The following C12orf42 variants were observed in gnomAD, a reference collection of about 807,000 sequenced individuals.
C12orf42 encodes uncharacterized protein C12orf42.
C12orf42 carries 25 observed loss-of-function variants against 21.6 expected under a neutral mutation model. The observed-to-expected ratio is 1.16, with a 90% CI of 0.84 to 1.62. The LOEUF (loss-of-function observed/expected upper bound fraction) is 1.62, where lower values mean the gene tolerates loss of function less well. Ranked by LOEUF, C12orf42 falls within the 40% of genes most tolerant of loss-of-function variation. C12orf42 has a pLI of 0.00. For missense variants in C12orf42, 483 were observed against 459.3 expected (o/e 1.05, Z -0.47); for synonymous variants, 174 against 175.0 (o/e 0.99, Z 0.05).
chr12:103,470,014 A>C (rs925310626), intron 2 of C12orf42, among the ~76,000 whole-genome samples: 4 of 152,262 alleles, frequency 2.6e-5, no homozygotes, highest in Admixed American at 1.3e-4. Context: ...TTCAAAGAGC[A>C]TGGAATATAC....
the C12orf42 span, among the ~76,000 whole-genome samples, chr12:103,160,644 G>A: frequency 6.6e-6 from 1 of 152,166 alleles, no homozygotes; most frequent in Non-Finnish European, 1.5e-5. Flanking sequence ...AGTAGCCACT[G>A]AACAGTGCAA....
intron 2 of C12orf42, 183 bp downstream of exon 2, chr12:103,478,166 G>T: frequency 1.9e-6 from 1 of 514,118 alleles, no homozygotes; most frequent in East Asian, 3.5e-5. Context: ...AATAATTTAT[G>T]AAGGCATTTA....
chr12:103,313,171 C>G (rs549703233), intron 4 of C12orf42, among the ~76,000 whole-genome samples: 3 of 152,332 alleles, frequency 2.0e-5, no homozygotes, highest in Non-Finnish European at 4.4e-5. Context: ...GCCTTTCTCT[C>G]TAGGCACAAA....
At chr12:103,365,706 A>G (rs568107334) in intron 4 of C12orf42, among the ~76,000 whole-genome samples, 15 of 152,098 alleles carry the variant, frequency 9.9e-5, no homozygotes, top group Non-Finnish European at 1.5e-4. Context: ...AATCAAATAA[A>G]AAACTCAACC....
chr12:103,158,562 C>T, the C12orf42 span, among the ~76,000 whole-genome samples: 1 of 152,054 alleles, frequency 6.6e-6, no homozygotes, highest in Non-Finnish European at 1.5e-5. Flanking sequence ...GATTCAATTT[C>T]ATCTTCTGCT....
the C12orf42 span, among the ~76,000 whole-genome samples, chr12:103,529,246 T>G: frequency 6.6e-6 from 1 of 152,172 alleles, no homozygotes; most frequent in Non-Finnish European, 1.5e-5. Flanking sequence ...ATTTTACTCC[T>G]CTCTTTACCG....
At chr12:103,163,484 G>T in the C12orf42 span, among the ~76,000 whole-genome samples, 1 of 152,128 alleles carries the variant, frequency 6.6e-6, no homozygotes, top group Non-Finnish European at 1.5e-5. Flanking sequence ...TTGAGCTGAG[G>T]GCTGGATGGC....
At chr12:103,370,331 A>C (rs1282695870) in intron 3 of C12orf42, among the ~76,000 whole-genome samples, 1 of 152,160 alleles carries the variant, frequency 6.6e-6, no homozygotes, top group African/African-American at 2.4e-5. Context: ...TTCTCAAAGA[A>C]CTTAAAATAG....
intron 4 of C12orf42, among the ~76,000 whole-genome samples, chr12:103,324,155 A>G (rs1030570326): frequency 6.6e-6 from 1 of 152,150 alleles, no homozygotes; most frequent in African/African-American, 2.4e-5. Context: ...TGTCATTTTA[A>G]TGTCCTGTAT....
chr12:103,059,464 C>A, the C12orf42 span, among the ~76,000 whole-genome samples: 1 of 152,178 alleles, frequency 6.6e-6, no homozygotes, highest in Admixed American at 6.6e-5. Context: ...GAACTCCTCT[C>A]TAACTCATTT....
At chr12:103,206,935 G>C in the C12orf42 span, among the ~76,000 whole-genome samples, 1 of 152,294 alleles carries the variant, frequency 6.6e-6, no homozygotes, top group Non-Finnish European at 1.5e-5. Context: ...ATTACAGATA[G>C]GGAAACTGAG....
chr12:103,506,973 AAT>A, the C12orf42 span, among the ~76,000 whole-genome samples: 1 of 128 alleles, frequency 7.8e-3, no homozygotes, highest in Non-Finnish European at 0.012. Flanking sequence ...TTATATATAA[AAT>A]ATATATATTA....
intron 2 of C12orf42, among the ~76,000 whole-genome samples, chr12:103,468,389 C>T (rs1953311883): frequency 6.6e-6 from 1 of 152,170 alleles, no homozygotes; most frequent in African/African-American, 2.4e-5. Flanking sequence ...TGTGTATCGT[C>T]TAAGGACTCT....
chr12:103,396,775 T>A (rs2047573829), intron 3 of C12orf42: 1 of 152,214 alleles, frequency 6.6e-6, no homozygotes, highest in Non-Finnish European at 1.5e-5. Context: ...CTTGGAGGAC[T>A]GAGCAGAGGA....
intron 5 of C12orf42, among the ~76,000 whole-genome samples, chr12:103,272,264 T>C (rs2035516655): frequency 6.6e-6 from 1 of 152,156 alleles, no homozygotes; most frequent in African/African-American, 2.4e-5. Flanking sequence ...CATAATTATG[T>C]TGGCATTAAA....
chr12:103,544,074 T>A, the C12orf42 span, among the ~76,000 whole-genome samples: 1 of 151,436 alleles, frequency 6.6e-6, no homozygotes, highest in Non-Finnish European at 1.5e-5. Context: ...TGTTTTTATA[T>A]TTTTTTTAGT....
chr12:103,281,056 A>G (rs565531982), intron 4 of C12orf42, among the ~76,000 whole-genome samples: 24 of 152,362 alleles, frequency 1.6e-4, no homozygotes, highest in Non-Finnish European at 3.1e-4. Context: ...TTACATAGAA[A>G]TAAAATGCTA....
chr12:103,165,579 C>T, the C12orf42 span, among the ~76,000 whole-genome samples: 1 of 152,106 alleles, frequency 6.6e-6, no homozygotes, highest in Non-Finnish European at 1.5e-5. Context: ...GGACTATCTC[C>T]TTCCTGTTTT....
chr12:103,515,787 A>AT, the C12orf42 span, among the ~76,000 whole-genome samples: 25 of 152,340 alleles, frequency 1.6e-4, no homozygotes, highest in East Asian at 2.9e-3. Flanking sequence ...CATATGTAAT[A>AT]TTTTACATGA....
Sources: gnomAD v4.1 joint callset for allele counts (sites outside exome capture counted in the v4.1 genomes callset) on GRCh38, gnomAD v4.1.1 for gene constraint, MANE v1.5 for transcripts, NCBI Gene and HGNC (gene_info 2026-07-23, HGNC 2026-07-21) for gene names.